UCHL5: variants seen among roughly 807,000 people sequenced by gnomAD.
UCHL5 encodes ubiquitin carboxyl-terminal hydrolase isozyme L5.
A neutral mutation model predicts 53.8 loss-of-function variants in UCHL5; 34 were observed. That is an observed-to-expected ratio of 0.63 (90% CI 0.48 to 0.84). The LOEUF (loss-of-function observed/expected upper bound fraction) is 0.84. Ranked by LOEUF, UCHL5 falls within the 40% of genes least tolerant of loss-of-function variation. The probability of loss-of-function intolerance (pLI) is 0.00; values close to 1 mark genes in which losing one functional copy is unlikely to be tolerated. For synonymous variants in UCHL5, 111 were observed against 126.3 expected (o/e 0.88, Z 0.81); for missense variants, 290 against 385.6 (o/e 0.75, Z 2.08).
Position 193,051,753 on chromosome 1 carries a change from C to T in UCHL5, c.140+1G>A. ...ATTAACACAACTAAAATTATACTTA[C>T]TTTAATTTTTCAAAATTCTCAGGCT... On this transcript the variant is annotated splice_donor_variant, in intron 2 of 10. Coordinates refer to ENST00000367454, the MANE Select transcript of UCHL5 (RefSeq NM_001199261.3). LOFTEE classifies it high-confidence loss of function. 2 of 1,570,392 alleles carry T rather than the reference C, an allele frequency of 1.3e-6. No individual in the cohort carries two copies. The highest frequency in any genetic ancestry group is 1.7e-6 in the Non-Finnish European group (2 of 1,150,452).
chr1:193,059,551 A>G (rs1186260223), upstream of UCHL5: 2 of 1,537,844 alleles, frequency 1.3e-6, no homozygotes, highest in Non-Finnish European at 1.8e-6. The surrounding 1 kb of genome is among the most constrained non-coding windows in gnomAD (Gnocchi z 4.9). Context: ...AGCGCCGAGG[A>G]GGCAACATCC....
At chr1:193,018,852 C>T in intron 10 of UCHL5, 1 of 1,547,852 alleles carries the variant, frequency 6.5e-7, no homozygotes, top group African/African-American at 1.4e-5. Flanking sequence ...ATCCACTATT[C>T]CAACTTATCT....
chr1:193,060,070 C>T (rs1672396896), upstream of UCHL5: 2 of 1,308,510 alleles, frequency 1.5e-6, no homozygotes, highest in East Asian at 4.7e-5. Context: ...AGGCCGACGT[C>T]GAGAGGGCCT....
chr1:193,033,178 C>T (rs551549617), intron 3 of UCHL5, among the ~76,000 whole-genome samples: 3 of 152,204 alleles, frequency 2.0e-5, no homozygotes, highest in East Asian at 3.9e-4. Flanking sequence ...ACATATACAC[C>T]ATGGAATACT....
At chr1:193,032,070 T>C (rs890774852) in intron 3 of UCHL5, among the ~76,000 whole-genome samples, 6 of 152,174 alleles carry the variant, frequency 3.9e-5, no homozygotes, top group African/African-American at 1.2e-4. Context: ...AGGGCACTTC[T>C]ACTCTCTACT....
chr1:193,028,238 C>A, intron 6 of UCHL5, 90 bp from the exon 7 acceptor site: 2 of 1,120,850 alleles, frequency 1.8e-6, no homozygotes, highest in South Asian at 3.6e-5. Context: ...TATTTTTTTA[C>A]AAATATTTTA....
chr1:193,036,317 C>CAAAAAAAA lies in UCHL5; in HGVS notation c.247-6668_247-6661dup, dbSNP rs960496083. Among the ~76,000 whole-genome samples, 304 of 50,734 alleles carry CAAAAAAAA rather than the reference C, an allele frequency of 6.0e-3. 1 individual carries two copies. Among genetic ancestry groups the CAAAAAAAA allele is most frequent in the African/African-American group, 6.9e-3 (77 of 11,212 alleles). 33.3% of individuals were successfully genotyped at this position (50,734 alleles called of 152,430 possible). On this transcript the variant is annotated intron_variant, in intron 3 of 10. Coordinates refer to ENST00000367454, the MANE Select transcript of UCHL5 (RefSeq NM_001199261.3). ...GAAGATATTCTGTGCAACTGGAAAC[C>CAAAAAAAA]AAAAAAAAAAAAAAAAAAAAAAAAA...
chr1:193,031,058 C>T (rs1287529569), intron 3 of UCHL5, among the ~76,000 whole-genome samples: 2 of 152,164 alleles, frequency 1.3e-5, no homozygotes, highest in Non-Finnish European at 2.9e-5. Context: ...ATTAGCATTG[C>T]TGCTGACTTA....
At chr1:193,041,746 A>T (rs926864989) in intron 3 of UCHL5, among the ~76,000 whole-genome samples, 4 of 152,222 alleles carry the variant, frequency 2.6e-5, no homozygotes, top group Admixed American at 2.6e-4. Flanking sequence ...GTAGCATGTT[A>T]GTGCAGCTGG....
At chr1:193,059,537 T>G (rs1672148375), upstream of UCHL5, 2 of 1,555,358 alleles carry the variant, frequency 1.3e-6, no homozygotes, top group Non-Finnish European at 1.7e-6. The surrounding 1 kb of genome is among the most constrained non-coding windows in gnomAD (Gnocchi z 4.9). Flanking sequence ...GGGCGGTGAT[T>G]CACAGCGCCG....
intron 3 of UCHL5, among the ~76,000 whole-genome samples, chr1:193,039,831 G>C (rs1441697550): frequency 6.6e-6 from 1 of 152,170 alleles, no homozygotes; most frequent in Non-Finnish European, 1.5e-5. Context: ...AGAGAATCCA[G>C]ATATAACTCC....
chr1:193,029,059 A>G (rs1558046254), intron 6 of UCHL5, 120 bp downstream of exon 6: 1 of 1,205,744 alleles, frequency 8.3e-7, no homozygotes, highest in Non-Finnish European at 1.2e-6. Flanking sequence ...GGCCTTCATT[A>G]TATTATGTTA....
intron 3 of UCHL5, chr1:193,049,539 A>G (rs1668371474): frequency 4.9e-6 from 2 of 404,758 alleles, no homozygotes. Context: ...TTTAATGTCT[A>G]ATATGGCAAA....
Position 193,039,221 on chromosome 1 carries a change from C to T in UCHL5, c.247-9564G>A, listed in dbSNP as rs555612812. Among the ~76,000 whole-genome samples, 14 of 152,116 alleles carry T rather than the reference C, an allele frequency of 9.2e-5. No homozygotes were observed. The South Asian group carries it at 2.5e-3, about 27-fold the overall frequency. ...GGCCTCAAGTTTGAGACCAACCTGG[C>T]CAACATGGCAAAATCCTATCTCTAC... On this transcript the variant is annotated intron_variant, in intron 3 of 10. Coordinates refer to ENST00000367454, the MANE Select transcript of UCHL5 (RefSeq NM_001199261.3).
intron 7 of UCHL5, among the ~76,000 whole-genome samples, chr1:193,026,398 GT>G (rs1244839320): frequency 6.6e-6 from 1 of 152,182 alleles, no homozygotes; most frequent in Non-Finnish European, 1.5e-5. Flanking sequence ...CAGGCAATGT[GT>G]TTGATGAAGG....
intron 3 of UCHL5, among the ~76,000 whole-genome samples, chr1:193,030,490 A>G (rs1171167922): frequency 4.6e-5 from 7 of 152,210 alleles, no homozygotes; most frequent in African/African-American, 9.6e-5. Flanking sequence ...CTCCAACAAG[A>G]TTATAAACCA....
chr1:193,050,931 T>C (rs1288211415), intron 2 of UCHL5, among the ~76,000 whole-genome samples: 1 of 152,146 alleles, frequency 6.6e-6, no homozygotes. Context: ...TCCCATTTTT[T>C]AAAGACAGTT....
At chr1:193,044,780 T>C (rs932732403) in intron 3 of UCHL5, among the ~76,000 whole-genome samples, 1 of 152,192 alleles carries the variant, frequency 6.6e-6, no homozygotes, top group African/African-American at 2.4e-5. Flanking sequence ...CTATTACATA[T>C]TGATGTAATA....
intron 3 of UCHL5, among the ~76,000 whole-genome samples, chr1:193,035,168 T>C (rs1339106168): frequency 1.3e-5 from 2 of 151,808 alleles, no homozygotes; most frequent in African/African-American, 2.4e-5. Context: ...TTAGTGATAA[T>C]AGAAAAGTTT....
Sources: allele counts gnomAD v4.1 joint callset (sites outside exome capture counted in the v4.1 genomes callset), GRCh38; gene constraint gnomAD v4.1.1; non-coding constraint Gnocchi (gnomAD v3.1); transcripts MANE v1.5; gene names NCBI Gene and HGNC (gene_info 2026-07-23, HGNC 2026-07-21).